ADAMTS20: variants seen among roughly 807,000 people sequenced by gnomAD.
ADAMTS20 encodes the protein A disintegrin and metalloproteinase with thrombospondin motifs 20.
In ADAMTS20, 225 loss-of-function variants were observed where a neutral mutation model predicts 260.1. That is an observed-to-expected ratio of 0.87 (90% CI 0.78 to 0.97). ADAMTS20 has a LOEUF of 0.97. Among genes scored for constraint, ADAMTS20 ranks in the 50% least tolerant of loss-of-function variants. ADAMTS20 has a pLI of 0.00. For synonymous variants in ADAMTS20, 802 were observed against 769.5 expected (o/e 1.04, Z -0.70); for missense variants, 2,400 against 2,337.7 (o/e 1.03, Z -0.55).
Position 43,396,494 on chromosome 12 carries a change from G to A in ADAMTS20, c.4452+2572C>T, listed in dbSNP as rs535789654. Among the ~76,000 whole-genome samples, 7 of 152,172 alleles carry A rather than the reference G, an allele frequency of 4.6e-5. No individual in the cohort carries two copies. In the South Asian group the frequency reaches 8.3e-4, roughly 18 times the overall value. The stretch of plus-strand genomic sequence containing the variant: ...ATGACAGCTTGCAATTGTTAACTTC[G>A]TGTGGGTGCTTTTTATAGAATAAAT... On this transcript the variant is annotated intron_variant, in intron 29 of 38. Coordinates refer to ENST00000389420, the MANE Select transcript of ADAMTS20 (RefSeq NM_025003.5).
intron 15 of ADAMTS20, among the ~76,000 whole-genome samples, chr12:43,444,886 A>G (rs913953485): frequency 1.3e-5 from 2 of 152,192 alleles, no homozygotes; most frequent in African/African-American, 4.8e-5. Flanking sequence ...GTTTTAGAGC[A>G]GACTTATTTA....
At chr12:43,389,573 G>A (rs916094882) in intron 29 of ADAMTS20, among the ~76,000 whole-genome samples, 17 of 152,162 alleles carry the variant, frequency 1.1e-4, no homozygotes, top group African/African-American at 3.9e-4. Flanking sequence ...ATGGATTGTA[G>A]TTTGGTGCCT....
At chr12:43,543,816 T>G (rs1943408180) in intron 2 of ADAMTS20, among the ~76,000 whole-genome samples, 1 of 152,194 alleles carries the variant, frequency 6.6e-6, no homozygotes, top group African/African-American at 2.4e-5. Context: ...AGGCAACTAG[T>G]TCTCCTCAAT....
chr12:43,392,724 C>G (rs1415026655), intron 29 of ADAMTS20, among the ~76,000 whole-genome samples: 4 of 152,016 alleles, frequency 2.6e-5, no homozygotes, highest in Admixed American at 2.6e-4. Context: ...CATTTGGCAC[C>G]ACTGATCACT....
Position 43,528,932 on chromosome 12 carries a change from C to G in ADAMTS20, c.613+3104G>C, listed in dbSNP as rs1049593745. ...ACAAAAGACTGGTATCCAAAATCTA[C>G]AAGAAACTAAAATAAATCAGCAAGA... On this transcript the variant is annotated intron_variant, in intron 3 of 38. Coordinates refer to ENST00000389420, the MANE Select transcript of ADAMTS20 (RefSeq NM_025003.5). Among the ~76,000 whole-genome samples the G allele has an allele frequency of 6.6e-5, 10 of 151,884 alleles. No individual in the cohort carries two copies. The East Asian group carries it at 1.9e-3, about 29-fold the overall frequency.
chr12:43,408,393 C>A (rs1940959648), intron 28 of ADAMTS20, among the ~76,000 whole-genome samples: 1 of 152,298 alleles, frequency 6.6e-6, no homozygotes, highest in East Asian at 1.9e-4. Flanking sequence ...TAAGGCATTA[C>A]TATGGTAACA....
In ADAMTS20 at chr12:43,383,910, T is replaced by C; in HGVS notation, c.4520A>G (p.Gln1507Arg). Residue 1507 changes from glutamine (Q) to arginine (R), a missense_variant, in exon 30 of 39, where the codon CAG becomes CGG. Gln to Arg is a conservative substitution (Grantham distance 43). Coordinates refer to ENST00000389420, the MANE Select transcript of ADAMTS20 (RefSeq NM_025003.5). The part of the protein sequence containing the change: ...DVYCRLKGVG[Q>R]VVEEMCDQST... ...CTGATCACACATTTCTTCAACCACC[T>C]GACCAACACCTTTCAGTCTGCAGTA... 1.2e-6 allele frequency: 2 copies of C among 1,613,954 alleles called. No homozygotes were observed.
rs144945464 is a variant in ADAMTS20 at position 43,507,923 on chromosome 12, G to A, written c.614-5518C>T. Among the ~76,000 whole-genome samples, 14 of 152,204 alleles carry A rather than the reference G, an allele frequency of 9.2e-5. No individual in the cohort carries two copies. In the East Asian group the frequency reaches 2.3e-3, roughly 25 times the overall value. On this transcript the variant is annotated intron_variant, in intron 3 of 38. Coordinates refer to ENST00000389420, the MANE Select transcript of ADAMTS20 (RefSeq NM_025003.5). ...ATACTGCATGTTCTCACTTACAAGT[G>A]GAAGCTAAATGATGAGAACTCAAGT...
chr12:43,366,528 A>G (rs1939990317), intron 37 of ADAMTS20, among the ~76,000 whole-genome samples: 2 of 152,042 alleles, frequency 1.3e-5, no homozygotes, highest in Admixed American at 1.3e-4. Context: ...CCAAGAATGT[A>G]TTGAATGTTT....
intron 28 of ADAMTS20, among the ~76,000 whole-genome samples, chr12:43,410,271 A>G (rs1325896467): frequency 6.6e-6 from 1 of 152,192 alleles, no homozygotes; most frequent in African/African-American, 2.4e-5. Context: ...AGATCAGAGG[A>G]GGCAGACTGG....
chr12:43,546,527 TA>T (rs1943442603), intron 2 of ADAMTS20, among the ~76,000 whole-genome samples: 1 of 152,186 alleles, frequency 6.6e-6, no homozygotes, highest in African/African-American at 2.4e-5. Context: ...ACAGCCTGTG[TA>T]AAGTTTGTCA....
intron 3 of ADAMTS20, among the ~76,000 whole-genome samples, chr12:43,523,760 A>T (rs1200272771): frequency 6.6e-6 from 1 of 151,890 alleles, no homozygotes; most frequent in African/African-American, 2.4e-5. Context: ...CCAGAGACCT[A>T]CCCCTTGACC....
chr12:43,391,546 G>A (rs1940596877), intron 29 of ADAMTS20, among the ~76,000 whole-genome samples: 1 of 152,120 alleles, frequency 6.6e-6, no homozygotes, highest in South Asian at 2.1e-4. Flanking sequence ...TTAAAAAAGT[G>A]TAGAGTATGT....
At chr12:43,511,574 A>G (rs947516573) in intron 3 of ADAMTS20, among the ~76,000 whole-genome samples, 1 of 152,154 alleles carries the variant, frequency 6.6e-6, no homozygotes, top group Non-Finnish European at 1.5e-5. Flanking sequence ...GGGAAATGAA[A>G]GAAAAGAATA....
At chr12:43,402,215 A>G (rs981100769) in intron 28 of ADAMTS20, among the ~76,000 whole-genome samples, 16 of 151,990 alleles carry the variant, frequency 1.1e-4, no homozygotes. Context: ...CTATCAGCTG[A>G]TGGATGTTTA....
intron 3 of ADAMTS20, among the ~76,000 whole-genome samples, chr12:43,507,471 T>C (rs2137457286): frequency 6.6e-6 from 1 of 152,312 alleles, no homozygotes; most frequent in African/African-American, 2.4e-5. Context: ...TCAAGTAATT[T>C]ACCACTTGTC....
At chr12:43,431,607 C>G in intron 21 of ADAMTS20, 111 bp from the exon 22 acceptor site, 1 of 1,316,440 alleles carries the variant, frequency 7.6e-7, no homozygotes, top group Non-Finnish European at 1.1e-6. Flanking sequence ...AAACCATTCC[C>G]AAATGCATTT....
intron 28 of ADAMTS20, among the ~76,000 whole-genome samples, chr12:43,410,942 A>G (rs1440302463): frequency 6.6e-6 from 1 of 152,216 alleles, no homozygotes; most frequent in African/African-American, 2.4e-5. Flanking sequence ...CTTCAATTGA[A>G]AATTGTCTTC....
At chr12:43,365,230 A>G (rs1272974197) in intron 37 of ADAMTS20, among the ~76,000 whole-genome samples, 1 of 152,084 alleles carries the variant, frequency 6.6e-6, no homozygotes, top group East Asian at 1.9e-4. Flanking sequence ...TCTTGCTAGC[A>G]CATCTACTTT....
Sources: allele counts gnomAD v4.1 joint callset (sites outside exome capture counted in the v4.1 genomes callset), GRCh38; gene constraint gnomAD v4.1.1; transcripts MANE v1.5; gene names NCBI Gene and HGNC (gene_info 2026-07-23, HGNC 2026-07-21).